Variants in ADCK1 observed in about 807,000 individuals in gnomAD.
ADCK1 encodes the protein aarF domain containing kinase 1.
A neutral mutation model predicts 52.3 loss-of-function variants in ADCK1; 41 were observed. The observed-to-expected ratio is 0.78, with a 90% CI of 0.61 to 1.02. The LOEUF (loss-of-function observed/expected upper bound fraction) is 1.02. Ranked by LOEUF, ADCK1 falls within the 50% of genes least tolerant of loss-of-function variation. The pLI, the probability that ADCK1 is intolerant of heterozygous loss-of-function variation, is 0.00. For missense variants in ADCK1, 658 were observed against 679.5 expected (o/e 0.97, Z 0.35); for synonymous variants, 250 against 274.6 (o/e 0.91, Z 0.89).
At chr14:77,845,286 A>C (rs2082152418) in intron 3 of ADCK1, among the ~76,000 whole-genome samples, 1 of 152,244 alleles carries the variant, frequency 6.6e-6, no homozygotes, top group South Asian at 2.1e-4. Context: ...TCTGAGCCTT[A>C]ACTTCATCTT....
chr14:77,885,561 T>C (rs2076253081), intron 4 of ADCK1, among the ~76,000 whole-genome samples: 1 of 152,152 alleles, frequency 6.6e-6, no homozygotes, highest in Admixed American at 6.5e-5. Context: ...AGTGATGGTG[T>C]AGCCTAGCAG....
At chr14:77,900,187 AT>A (rs2083502723) in intron 6 of ADCK1, among the ~76,000 whole-genome samples, 1 of 152,236 alleles carries the variant, frequency 6.6e-6, no homozygotes, top group Non-Finnish European at 1.5e-5. Context: ...TAAGAAATAC[AT>A]AAGACCACAA....
Position 77,875,005 on chromosome 14 carries a change from C to G in ADCK1, c.424-12086C>G, listed in dbSNP as rs551645048. 3.9e-5 allele frequency among the ~76,000 whole-genome samples: 6 copies of G among 152,174 alleles called. No individual in the cohort carries two copies. In the East Asian group the frequency reaches 1.2e-3, roughly 29 times the overall value. Reference sequence around the variant, plus strand: ...AGGGACAGGAGGGGCTTGGTGGCAGCAGGGCAGACAGAGACCCTGAAAGAT... The same window carrying G: ...AGGGACAGGAGGGGCTTGGTGGCAGGAGGGCAGACAGAGACCCTGAAAGAT... On this transcript the variant is annotated intron_variant, in intron 4 of 10. Coordinates refer to ENST00000238561, the MANE Select transcript of ADCK1 (RefSeq NM_020421.4).
intron 3 of ADCK1, among the ~76,000 whole-genome samples, chr14:77,844,526 A>G (rs986925459): frequency 2.6e-5 from 4 of 151,882 alleles, no homozygotes; most frequent in South Asian, 2.1e-4. Context: ...CCCCTGTTGG[A>G]CTCCCTTAGA....
intron 4 of ADCK1, among the ~76,000 whole-genome samples, chr14:77,864,732 G>T (rs2082627237): frequency 6.6e-6 from 1 of 152,014 alleles, no homozygotes; most frequent in South Asian, 2.1e-4. Flanking sequence ...GAGACTGATT[G>T]ATGTTAAGGA....
intron 1 of ADCK1, among the ~76,000 whole-genome samples, chr14:77,811,486 T>C (rs552722351): frequency 6.6e-6 from 1 of 152,080 alleles, no homozygotes; most frequent in Non-Finnish European, 1.5e-5. Flanking sequence ...GAGTTCATGA[T>C]CTCCGTCAGT....
At chr14:77,850,362 T>C (rs1300665183) in intron 3 of ADCK1, among the ~76,000 whole-genome samples, 4 of 152,210 alleles carry the variant, frequency 2.6e-5, no homozygotes, top group Non-Finnish European at 5.9e-5. Flanking sequence ...TCATTTTCTA[T>C]CTATTTGTTA....
intron 6 of ADCK1, among the ~76,000 whole-genome samples, chr14:77,899,995 G>A (rs1333791420): frequency 1.3e-5 from 2 of 151,654 alleles, no homozygotes; most frequent in South Asian, 2.1e-4. Context: ...ACTTGAACCC[G>A]GGAGGTGGAG....
At chr14:77,812,923 A>T (rs141797545) in intron 1 of ADCK1, among the ~76,000 whole-genome samples, 8 of 152,108 alleles carry the variant, frequency 5.3e-5, no homozygotes, top group African/African-American at 1.9e-4. Context: ...TCACAATCTC[A>T]TTCTTGCAGA....
At position 77,841,726 on chromosome 14, in the gene ADCK1, C is replaced by T. The variant is rs372526689; in HGVS notation, c.220-17350C>T. 2.6e-4 allele frequency among the ~76,000 whole-genome samples: 39 copies of T among 150,956 alleles called. 1 individual carries two copies. In the East Asian group the frequency reaches 4.7e-3, roughly 18 times the overall value. On this transcript the variant is annotated intron_variant, in intron 3 of 10. Transcript: ENST00000238561. ...CCAGGCGTGGGTGTGTGCCTGTAAT[C>T]CCAGTTACCTGGGAGGCTGAGGCAG...
At chr14:77,898,624 C>T (rs1437579783) in intron 5 of ADCK1, among the ~76,000 whole-genome samples, 1 of 152,002 alleles carries the variant, frequency 6.6e-6, no homozygotes, top group African/African-American at 2.4e-5. Flanking sequence ...GGGAACAACA[C>T]ACCTGGGGCC....
At chr14:77,888,506 T>C (rs2083211286) in intron 5 of ADCK1, among the ~76,000 whole-genome samples, 2 of 151,994 alleles carry the variant, frequency 1.3e-5, no homozygotes, top group Admixed American at 6.5e-5. Context: ...TAAAAATCTG[T>C]TGGGAGTCTG....
intron 5 of ADCK1, among the ~76,000 whole-genome samples, chr14:77,888,344 G>A (rs555025684): frequency 6.6e-6 from 1 of 152,266 alleles, no homozygotes; most frequent in Non-Finnish European, 1.5e-5. Flanking sequence ...CGGGGGGTTT[G>A]TATTCCAAGC....
intron 4 of ADCK1, among the ~76,000 whole-genome samples, chr14:77,883,022 C>T (rs769969842): frequency 7.1e-5 from 10 of 141,506 alleles, no homozygotes; most frequent in African/African-American, 2.4e-4. Flanking sequence ...CATGTGTGCA[C>T]ACACACACAG....
At chr14:77,827,902 C>A (rs934860405) in intron 3 of ADCK1, 3 of 399,496 alleles carry the variant, frequency 7.5e-6, no homozygotes, top group African/African-American at 6.6e-5. Context: ...GATCTCGGCT[C>A]ACTGCAACCT....
At chr14:77,926,600 C>T (rs1436221178) in intron 9 of ADCK1, among the ~76,000 whole-genome samples, 1 of 152,210 alleles carries the variant, frequency 6.6e-6, no homozygotes, top group African/African-American at 2.4e-5. Context: ...CCTGTCTCAG[C>T]CTCCTGAGTA....
At chr14:77,804,456 A>G (rs2081175514) in intron 1 of ADCK1, among the ~76,000 whole-genome samples, 1 of 152,140 alleles carries the variant, frequency 6.6e-6, no homozygotes, top group Admixed American at 6.6e-5. Flanking sequence ...GGACATTTGC[A>G]CGAAAACAGG....
At chr14:77,903,289 A>T (rs1595060497) in intron 6 of ADCK1, among the ~76,000 whole-genome samples, 1 of 152,260 alleles carries the variant, frequency 6.6e-6, no homozygotes, top group East Asian at 1.9e-4. Context: ...CTGTGAACCC[A>T]GTTCAGCTCT....
chr14:77,929,579 C>T (rs1220208623), intron 9 of ADCK1, among the ~76,000 whole-genome samples: 1 of 152,226 alleles, frequency 6.6e-6, no homozygotes, highest in Admixed American at 6.5e-5. Flanking sequence ...CAGAGCTAGC[C>T]CTGGCTGAAC....
Sources: gnomAD v4.1 joint callset for allele counts (sites outside exome capture counted in the v4.1 genomes callset) on GRCh38, gnomAD v4.1.1 for gene constraint, MANE v1.5 for transcripts, NCBI Gene and HGNC (gene_info 2026-07-23, HGNC 2026-07-21) for gene names.